Variants in TSTD2 observed in about 807,000 individuals in gnomAD.
TSTD2 encodes the protein thiosulfate sulfurtransferase like domain containing 2.
Under a neutral mutation model 47.9 loss-of-function variants are expected in TSTD2, and 37 were observed. The observed-to-expected ratio is 0.77, with a 90% CI of 0.59 to 1.02. TSTD2 has a LOEUF of 1.02. Ranked by LOEUF, TSTD2 falls within the 50% of genes least tolerant of loss-of-function variation. The probability of loss-of-function intolerance (pLI) is 0.00; values close to 1 mark genes in which losing one functional copy is unlikely to be tolerated. For missense variants in TSTD2, 586 were observed against 616.0 expected (o/e 0.95, Z 0.52); for synonymous variants, 201 against 215.9 (o/e 0.93, Z 0.61).
intron 6 of TSTD2, among the ~76,000 whole-genome samples, chr9:97,608,264 C>G (rs1826399161): frequency 6.6e-6 from 1 of 152,176 alleles, no homozygotes; most frequent in African/African-American, 2.4e-5. Context: ...CAAACCTGTT[C>G]CCTGCTGCTA....
chr9:97,605,997 T>C (rs536613388), intron 7 of TSTD2, 146 bp downstream of exon 7: 48 of 715,406 alleles, frequency 6.7e-5, no homozygotes, highest in Non-Finnish European at 1.0e-4. Flanking sequence ...GTTTTAGGAC[T>C]TGGGTTTTCT....
chr9:97,622,368 G>A (rs1219201889), intron 3 of TSTD2, among the ~76,000 whole-genome samples: 1 of 152,260 alleles, frequency 6.6e-6, no homozygotes, highest in Admixed American at 6.5e-5. Flanking sequence ...CCTCTGCCTA[G>A]ATTTCAGAGG....
chr9:97,626,020 A>G (rs1174648332), intron 2 of TSTD2, 23 bp from the exon 3 acceptor site: 1 of 1,585,056 alleles, frequency 6.3e-7, no homozygotes, highest in Admixed American at 1.8e-5. Context: ...TTCAAATGCT[A>G]ACACTGTTAA....
chr9:97,611,813 C>CT (rs2131309384), intron 4 of TSTD2, 114 bp from the exon 5 acceptor site: 1 of 1,029,486 alleles, frequency 9.7e-7, no homozygotes, highest in Admixed American at 2.1e-5. Context: ...AGCAGAGACG[C>CT]TGATGAGGAC....
chr9:97,606,551 T>G (rs1171351887), intron 6 of TSTD2, among the ~76,000 whole-genome samples: 1 of 152,212 alleles, frequency 6.6e-6, no homozygotes, highest in Non-Finnish European at 1.5e-5. Flanking sequence ...ATACTTGGCC[T>G]AACCCTAGTG....
chr9:97,621,540 CAG>C (rs1397860420), intron 3 of TSTD2, among the ~76,000 whole-genome samples: 3 of 152,076 alleles, frequency 2.0e-5, no homozygotes, highest in Non-Finnish European at 2.9e-5. Context: ...ATTCTTTTCC[CAG>C]TAAGGAATAA....
intron 4 of TSTD2, among the ~76,000 whole-genome samples, chr9:97,615,516 ATAGAG>A (rs1323475113): frequency 6.6e-6 from 1 of 152,238 alleles, no homozygotes; most frequent in African/African-American, 2.4e-5. Flanking sequence ...ATACACAGCA[ATAGAG>A]TAGAGGCTTT....
At chr9:97,624,829 A>C (rs1240137915) in intron 3 of TSTD2, among the ~76,000 whole-genome samples, 1 of 152,208 alleles carries the variant, frequency 6.6e-6, no homozygotes, top group Non-Finnish European at 1.5e-5. Context: ...CCCTATGTGC[A>C]ATGCTACATT....
chr9:97,609,734 C>CA (rs1826425798), intron 6 of TSTD2, among the ~76,000 whole-genome samples: 1 of 152,112 alleles, frequency 6.6e-6, no homozygotes, highest in Admixed American at 6.5e-5. Flanking sequence ...GGGTTGCTTT[C>CA]AAAATAATCC....
chr9:97,609,947 G>T (rs547131902), intron 6 of TSTD2, among the ~76,000 whole-genome samples: 1 of 152,274 alleles, frequency 6.6e-6, no homozygotes, highest in East Asian at 1.9e-4. Flanking sequence ...TGGAGAAGAT[G>T]GGGAAAGAAC....
At chr9:97,633,114 C>A (rs1564013021) in intron 1 of TSTD2, 129 bp downstream of exon 1, 1 of 153,570 alleles carries the variant, frequency 6.5e-6, no homozygotes, top group Non-Finnish European at 1.4e-5. Context: ...CCTTTCCATA[C>A]CAAGGGGCGG....
At chr9:97,628,477 C>T (rs1250511418) in intron 1 of TSTD2, among the ~76,000 whole-genome samples, 2 of 152,180 alleles carry the variant, frequency 1.3e-5, no homozygotes, top group East Asian at 3.9e-4. Context: ...CAGTACTGTA[C>T]TGTAGACTGG....
chr9:97,620,590 A>G (rs970772488), intron 3 of TSTD2, among the ~76,000 whole-genome samples: 1 of 152,242 alleles, frequency 6.6e-6, no homozygotes, highest in African/African-American at 2.4e-5. Context: ...GACTTGTTGA[A>G]TGGCTTTGAC....
intron 9 of TSTD2, among the ~76,000 whole-genome samples, chr9:97,603,349 T>G (rs1826304213): frequency 6.6e-6 from 1 of 152,210 alleles, no homozygotes; most frequent in African/African-American, 2.4e-5. Context: ...CTTCCTCACT[T>G]TTCCTTACCT....
chr9:97,631,506 A>G (rs1826810986), intron 1 of TSTD2, among the ~76,000 whole-genome samples: 1 of 152,166 alleles, frequency 6.6e-6, no homozygotes, highest in Non-Finnish European at 1.5e-5. Flanking sequence ...TATCATTTGC[A>G]GCTAGAATTA....
At chr9:97,621,618 G>A (rs1336407524) in intron 3 of TSTD2, among the ~76,000 whole-genome samples, 4 of 152,184 alleles carry the variant, frequency 2.6e-5, no homozygotes, top group South Asian at 2.1e-4. Flanking sequence ...TCTGCCTTAT[G>A]CGGTTGAAGA....
In TSTD2 at chr9:97,600,245, T is replaced by TAGAC. The variant is rs1209247070; in HGVS notation, c.*2220_*2223dup. ...AACACAATTTTCCCCTCAGAACAGA[T>TAGAC]AGACAGACTGAAGCCACTGAACTCT... On this transcript the variant is annotated 3_prime_UTR_variant, in exon 10 of 10. Coordinates refer to ENST00000341170, the MANE Select transcript of TSTD2 (RefSeq NM_139246.5). The TAGAC allele has an allele frequency of 2.0e-6, 2 of 987,960 alleles. No homozygotes were observed. The highest frequency in any genetic ancestry group is 1.7e-5 in the African/African-American group (1 of 57,234). 61.2% of individuals were successfully genotyped at this position (987,960 alleles called of 1,614,324 possible). A position where few individuals can be genotyped will look rare whatever the true frequency, so the allele number is the denominator to read the frequency against.
rs1301172960 is a variant in TSTD2, at chr9:97,617,957, AG to A, written c.483-81del. 12 of 1,532,192 alleles carry A rather than the reference AG, an allele frequency of 7.8e-6. No homozygotes were observed. In the East Asian group the frequency reaches 2.7e-4, roughly 35 times the overall value. 94.9% of individuals were successfully genotyped at this position (1,532,192 alleles called of 1,614,324 possible). A position where few individuals can be genotyped will look rare whatever the true frequency, so the allele number is the denominator to read the frequency against. On this transcript the variant is annotated intron_variant, in intron 3 of 9. Coordinates refer to ENST00000341170, the MANE Select transcript of TSTD2 (RefSeq NM_139246.5). ...CACAATTCATAAAATACACCCAGGCAGTCTGAGGGAAGGCTAAGATGAGGAC... is the reference window on the plus strand; with the variant it reads ...CACAATTCATAAAATACACCCAGGCATCTGAGGGAAGGCTAAGATGAGGAC...
rs748850828 is a variant in TSTD2 at position 97,604,797 on chromosome 9, G to C, written c.1182C>G (p.Gly394=). The C allele has an allele frequency of 6.2e-7, 1 of 1,614,214 alleles. No individual in the cohort carries two copies. The highest frequency in any genetic ancestry group is 1.1e-5 in the South Asian group (1 of 91,084). ...AAACAAACAACTTCCCTTTGTAAAA[G>C]CCATCAGGAAACTCTTCCAGGTACT... ...IHKYLEEFPD[G]FYKGKLFVFD... The change falls in exon 9 of 10, where the codon GGC becomes GGG. Residue 394 remains glycine, a synonymous_variant. Coordinates refer to ENST00000341170, the MANE Select transcript of TSTD2 (RefSeq NM_139246.5).
Sources: gnomAD v4.1 joint callset for allele counts (sites outside exome capture counted in the v4.1 genomes callset) on GRCh38, gnomAD v4.1.1 for gene constraint, MANE v1.5 for transcripts, NCBI Gene and HGNC (gene_info 2026-07-23, HGNC 2026-07-21) for gene names.